ATP8B3: variants seen among roughly 807,000 people sequenced by gnomAD.
ATP8B3 encodes ATPase phospholipid transporting 8B3, also known as phospholipid-transporting ATPase IK.
ATP8B3 carries 141 observed loss-of-function variants against 140.9 expected under a neutral mutation model. The observed-to-expected ratio is 1.00, with a 90% CI of 0.87 to 1.15. The LOEUF (loss-of-function observed/expected upper bound fraction) is 1.15. ATP8B3 is among the 50% of genes most tolerant of loss of function. The pLI is 0.00. For synonymous variants in ATP8B3, 765 were observed against 714.6 expected (o/e 1.07, Z -1.13); for missense variants, 1,874 against 1,740.6 (o/e 1.08, Z -1.36).
intron 11 of ATP8B3, 89 bp from the exon 12 acceptor site, chr19:1,802,133 T>A: frequency 2.2e-6 from 1 of 461,700 alleles, no homozygotes; most frequent in Non-Finnish European, 2.9e-6. Flanking sequence ...ACTCCCCCAC[T>A]CATCCACCCA....
chr19:1,789,540 C>CGGCG lies in ATP8B3; in HGVS notation c.2662_2665dup (p.Arg889ProfsTer3). ...GCGCTCCTGCAGCACCTCGGAGCTACGGCGGGCTCTGGAGTCCTGGGCTGG... is the reference window on the plus strand; with the variant it reads ...GCGCTCCTGCAGCACCTCGGAGCTACGGCGGGCGGGCTCTGGAGTCCTGGGCTGG... On this transcript the variant is annotated frameshift_variant, in exon 23 of 29. Transcript: ENST00000310127. LOFTEE classifies it high-confidence loss of function. The CGGCG allele has an allele frequency of 6.3e-7, 1 of 1,597,232 alleles. No homozygotes were observed. The highest frequency in any genetic ancestry group is 8.5e-7 in the Non-Finnish European group (1 of 1,178,250).
Position 1,799,597 on chromosome 19 carries a change from C to T in ATP8B3, c.1552+350G>A, listed in dbSNP as rs548700612. 2.4e-5 allele frequency: 12 copies of T among 490,740 alleles called. 1 individual carries two copies. In the Admixed American group the frequency reaches 4.7e-4, roughly 19 times the overall value. 30.4% of individuals were successfully genotyped at this position (490,740 alleles called of 1,614,324 possible). On this transcript the variant is annotated intron_variant, in intron 14 of 28. Transcript: ENST00000310127. ...CATGGCCAACATGGTGAAACCCCAT[C>T]TCTGCTAAAAATACAAAAAAATTAG...
In ATP8B3 at chr19:1,787,161, G is replaced by C. The variant is rs1325574300; in HGVS notation, c.3095C>G (p.Ala1032Gly). 3 of 1,611,078 alleles carry C rather than the reference G, an allele frequency of 1.9e-6. No individual in the cohort carries two copies. The Admixed American group carries it at 5.0e-5, about 27-fold the overall frequency. ...GGTGCTGTACAGGAGGTTGAAAAGAGCCAGGAACCATCCTTCATACAGGGG... is the reference window on the plus strand; with the variant it reads ...GGTGCTGTACAGGAGGTTGAAAAGACCCAGGAACCATCCTTCATACAGGGG... ...GQPLYEGWFL[A>G]LFNLLYSTLP... The change falls in exon 25 of 29, where the codon GCT (alanine) becomes GGT (glycine). Residue 1032 changes from alanine (A) to glycine (G), a missense_variant. Physicochemically the swap from Ala to Gly is moderately conservative, Grantham distance 60. Around this residue, in one of 3 missense-constraint regions of ATP8B3, gnomAD observed 840 missense variants for 760.9 expected, o/e 1.10. Transcript: ENST00000310127.
chr19:1,802,406 T>TTGGCCCC, intron 11 of ATP8B3, 81 bp downstream of exon 11: 1 of 421,058 alleles, frequency 2.4e-6, no homozygotes. Flanking sequence ...TCCACCCACC[T>TTGGCCCC]ACCCACCCAC....
Position 1,791,766 on chromosome 19 carries a change from G to A in ATP8B3, c.2286C>T (p.Leu762=). Residue 762 remains leucine (L), a synonymous_variant, in exon 20 of 29, where the codon CTC becomes CTT. Coordinates refer to ENST00000310127, the MANE Select transcript of ATP8B3 (RefSeq NM_138813.4). The part of the protein sequence containing the change: ...LKKSNIKIWV[L]TGDKQETAVN... ...GGGACTCACCCTGCTTGTCCCCGGTGAGCACCCATATTTTGATGTTGCTCT... is the reference window on the plus strand; with the variant it reads ...GGGACTCACCCTGCTTGTCCCCGGTAAGCACCCATATTTTGATGTTGCTCT... 1.2e-6 allele frequency: 2 copies of A among 1,611,366 alleles called. No individual in the cohort carries two copies. The highest frequency in any genetic ancestry group is 1.1e-5 in the South Asian group (1 of 91,066).
chr19:1,806,538 G>A lies in ATP8B3; in HGVS notation c.677+90C>T, dbSNP rs2069026570. 2.0e-6 allele frequency: 3 copies of A among 1,532,492 alleles called. No homozygotes were observed. Among genetic ancestry groups the A allele is most frequent in the Non-Finnish European group, 2.6e-6 (3 of 1,140,580 alleles). The allele number at this position is 1,532,492 out of a possible 1,614,324, so 94.9% of individuals were successfully genotyped here. A position where few individuals can be genotyped will look rare whatever the true frequency, so the allele number is the denominator to read the frequency against. ...ACCAGCCGGGAGATCAGGGAGCACG[G>A]AAGGTGATGGACACTTGCCGAGGCC... is the stretch of plus-strand genomic sequence containing the variant. On this transcript the variant is annotated intron_variant, in intron 7 of 28. Coordinates refer to ENST00000310127, the MANE Select transcript of ATP8B3 (RefSeq NM_138813.4). This position sits in a 1 kb window ranked among gnomAD's most constrained non-coding sequence, Gnocchi z 5.6.
chr19:1,805,575 C>T lies in ATP8B3; in HGVS notation c.822-119G>A. ...TGAGCACCTACTAGTTCGCCAGCTGCCAGTCAGATGGCTGAGGCCCAGAGA... is the reference window on the plus strand; with the variant it reads ...TGAGCACCTACTAGTTCGCCAGCTGTCAGTCAGATGGCTGAGGCCCAGAGA... On this transcript the variant is annotated intron_variant, in intron 9 of 28. Coordinates refer to ENST00000310127, the MANE Select transcript of ATP8B3 (RefSeq NM_138813.4). The surrounding 1 kb of genome is among the most constrained non-coding windows in gnomAD (Gnocchi z 5.2). 1.1e-6 allele frequency: 1 copy of T among 918,288 alleles called. No individual in the cohort carries two copies. The highest frequency in any genetic ancestry group is 1.5e-5 in the South Asian group (1 of 68,020). The allele number at this position is 918,288 out of a possible 1,614,324, so 56.9% of individuals were successfully genotyped here.
In ATP8B3 at chr19:1,802,637, T is replaced by C. The variant is rs1245348893; in HGVS notation, c.913A>G (p.Thr305Ala). 2.2e-5 allele frequency: 35 copies of C among 1,609,424 alleles called. No homozygotes were observed. Among genetic ancestry groups the C allele is most frequent in the Non-Finnish European group, 3.0e-5 (35 of 1,178,626 alleles). The change falls in exon 11 of 29, where the codon ACG becomes GCG. Residue 305 changes from threonine (T) to alanine (A), a missense_variant. By Grantham distance (58) the Thr-to-Ala change is moderately conservative (BLOSUM62 0). Transcript: ENST00000310127. ...ATCCGACTGTTAGGCGCCTCACACG[T>C]CACTGTGCCTGTGGGTGGCCAGGTG... is the stretch of plus-strand genomic sequence containing the variant. ...KKMASFQGTV[T>A]CEAPNSRMHH...
intron 24 of ATP8B3, among the ~76,000 whole-genome samples, chr19:1,788,551 G>C (rs1311023248): frequency 6.6e-6 from 1 of 152,190 alleles, no homozygotes; most frequent in Non-Finnish European, 1.5e-5. Flanking sequence ...TTGGGAGGTG[G>C]AGGCAAGAGA....
At position 1,789,671 on chromosome 19, in the gene ATP8B3, G is replaced by A. The variant is rs766591305; in HGVS notation, c.2535C>T (p.Asn845=). Residue 845 remains asparagine (N), a synonymous_variant, in exon 23 of 29, where the codon AAC becomes AAT. Coordinates refer to ENST00000310127, the MANE Select transcript of ATP8B3 (RefSeq NM_138813.4). ...CGAGCTCCTGCCACGCCTCGTCCAT[G>A]TTCACGTTCTGCGCCAGGGCGCGCG... ...KEPRALAQNV[N]MDEAWQELGQ... is the part of the protein sequence containing the mutation. The A allele has an allele frequency of 1.2e-6, 2 of 1,601,198 alleles. No homozygotes were observed. The highest frequency in any genetic ancestry group is 8.5e-7 in the Non-Finnish European group (1 of 1,176,642).
In ATP8B3 at chr19:1,796,780, G is replaced by A. The variant is rs533209157; in HGVS notation, c.1684C>T (p.Arg562Trp). Residue 562 changes from arginine (R) to tryptophan (W), a missense_variant, in exon 16 of 29, where the codon CGG becomes TGG. Arg to Trp is a moderately radical substitution (Grantham distance 101). This residue lies in a region of ATP8B3 where 1,032 missense variants were observed against 963.6 expected (regional missense o/e 1.07). Transcript: ENST00000310127. Reference protein sequence around the residue: ...LVRTNGDEAVREFWRLLAICH... With the variant: ...LVRTNGDEAVWEFWRLLAICH... The stretch of plus-strand genomic sequence containing the variant: ...ATGGCCAGCAGGCGCCAGAACTCCC[G>A]CACGGCCTCGTCCCCGTTGGTCCGC... The A allele has an allele frequency of 2.4e-5, 39 of 1,612,436 alleles. No individual in the cohort carries two copies. The highest frequency in any genetic ancestry group is 2.0e-4 in the East Asian group (9 of 44,872).
chr19:1,790,825 AG>A lies in ATP8B3; in HGVS notation c.2309del (p.Ala770ValfsTer2), dbSNP rs1417850380. 6.3e-7 allele frequency: 1 copy of A among 1,599,988 alleles called. No individual in the cohort carries two copies. Among genetic ancestry groups the A allele is most frequent in the Non-Finnish European group, 8.5e-7 (1 of 1,174,628 alleles). On this transcript the variant is annotated frameshift_variant, in exon 21 of 29. Transcript: ENST00000310127. LOFTEE classifies it high-confidence loss of function. ...WVLTGDKQET[A>X]VNIGFACELL... ...GCTCGCAGGCGAAGCCGATGTTCAC[AG>A]CCGTTTCTGCGAAGCAGACCAGCTC...
chr19:1,785,705 C>A lies in ATP8B3; in HGVS notation c.3157G>T (p.Val1053Leu). The change falls in exon 26 of 29, where the codon GTG becomes TTG. Residue 1053 changes from valine to leucine, a missense_variant. Coordinates refer to ENST00000310127, the MANE Select transcript of ATP8B3 (RefSeq NM_138813.4). ...VLYIGLFEQDVSAEQSLEKPE... is the reference protein window; with the variant it reads ...VLYIGLFEQDLSAEQSLEKPE... Reference sequence around the variant, plus strand: ...TTCTCCAGGCTCTGCTCTGCGCTCACGTCCTTGGGGCAAGCAGAAGCTCTT... The same window carrying A: ...TTCTCCAGGCTCTGCTCTGCGCTCAAGTCCTTGGGGCAAGCAGAAGCTCTT... 6.3e-7 allele frequency: 1 copy of A among 1,589,186 alleles called. No homozygotes were observed. The highest frequency in any genetic ancestry group is 8.6e-7 in the Non-Finnish European group (1 of 1,167,584).
chr19:1,792,928 A>AG (rs2068560519), intron 18 of ATP8B3, among the ~76,000 whole-genome samples: 1 of 44,692 alleles, frequency 2.2e-5, no homozygotes, highest in South Asian at 6.1e-4. Flanking sequence ...AAAAAAAAAA[A>AG]AGAAAAGAAA....
In ATP8B3 at chr19:1,806,059, C is replaced by T. The variant is rs948800974; in HGVS notation, c.750+38G>A. 1.2e-6 allele frequency: 2 copies of T among 1,601,632 alleles called. No individual in the cohort carries two copies. The highest frequency in any genetic ancestry group is 1.3e-5 in the African/African-American group (1 of 74,484). On this transcript the variant is annotated intron_variant, in intron 8 of 28. Transcript: ENST00000310127. This position sits in a 1 kb window ranked among gnomAD's most constrained non-coding sequence, Gnocchi z 5.6. ...GGGAGGGGTGCTCTCGGTGAGGGGG[C>T]GCGTGGTTCTGGGACCTCGGGGTCA... is the stretch of plus-strand genomic sequence containing the variant.
intron 20 of ATP8B3, 77 bp downstream of exon 20, chr19:1,791,673 G>T (rs2068514540): frequency 1.7e-6 from 2 of 1,147,166 alleles, no homozygotes; most frequent in Non-Finnish European, 1.3e-6. Flanking sequence ...GATGACAGGT[G>T]TGAGCCTTCA....
At chr19:1,790,606 C>T in intron 21 of ATP8B3, 151 bp downstream of exon 21, 1 of 479,048 alleles carries the variant, frequency 2.1e-6, no homozygotes, top group Non-Finnish European at 3.4e-6. Context: ...CTCCCCATTA[C>T]CACACTCCTT....
Position 1,805,962 on chromosome 19 carries a change from G to C in ATP8B3, c.751-4C>G. On this transcript the variant is annotated splice_region_variant and splice_polypyrimidine_tract_variant and intron_variant, in intron 8 of 28. Coordinates refer to ENST00000310127, the MANE Select transcript of ATP8B3 (RefSeq NM_138813.4). The surrounding 1 kb of genome is among the most constrained non-coding windows in gnomAD (Gnocchi z 5.2). ...TGGCCAGCAAGAGCATGTCGGCCTG[G>C]TGTGGAGTGGGGGGCAGCGTTGCAA... 6.2e-7 allele frequency: 1 copy of C among 1,611,478 alleles called. No individual in the cohort carries two copies. The highest frequency in any genetic ancestry group is 8.5e-7 in the Non-Finnish European group (1 of 1,178,792).
At chr19:1,801,706 C>T (rs2068850125) in intron 12 of ATP8B3, among the ~76,000 whole-genome samples, 1 of 152,070 alleles carries the variant, frequency 6.6e-6, no homozygotes, top group South Asian at 2.1e-4. Flanking sequence ...GAGCCAAGAT[C>T]ACGCCACTGC....
Sources: gnomAD v4.1 joint callset for allele counts (sites outside exome capture counted in the v4.1 genomes callset) on GRCh38, gnomAD v4.1.1 for gene constraint, gnomAD v4.1.1 regional missense constraint, Gnocchi (gnomAD v3.1) non-coding constraint, MANE v1.5 for transcripts, NCBI Gene and HGNC (gene_info 2026-07-23, HGNC 2026-07-21) for gene names.